The following CDH4 variants were observed in gnomAD, a reference collection of about 807,000 sequenced individuals.
The protein encoded by CDH4 is cadherin-4.
In CDH4, 33 loss-of-function variants were observed where a neutral mutation model predicts 86.0. That is an observed-to-expected ratio of 0.38 (90% CI 0.29 to 0.51). The LOEUF is 0.51. Among genes scored for constraint, CDH4 ranks in the 20% least tolerant of loss-of-function variants. CDH4 has a pLI of 0.86. For missense variants in CDH4, 1,114 were observed against 1,307.4 expected, an observed-to-expected ratio of 0.85 and a Z score of 2.28; for synonymous variants, 555 against 549.4, an observed-to-expected ratio of 1.01 and a Z score of -0.14.
At chr20:61,866,193 C>T (rs903866405) in intron 6 of CDH4, among the ~76,000 whole-genome samples, 3 of 152,218 alleles carry the variant, frequency 2.0e-5, no homozygotes, top group East Asian at 3.9e-4. Context: ...TGAGCTTCAG[C>T]CCCTGGGGTA....
intron 2 of CDH4, among the ~76,000 whole-genome samples, chr20:61,645,539 G>A (rs2087052435): frequency 6.6e-6 from 1 of 152,014 alleles, no homozygotes; most frequent in Non-Finnish European, 1.5e-5. Flanking sequence ...GGCTGAGGCA[G>A]GAGGATAGCT....
intron 2 of CDH4, among the ~76,000 whole-genome samples, chr20:61,335,179 C>T (rs1036115756): frequency 6.6e-6 from 1 of 152,238 alleles, no homozygotes; most frequent in African/African-American, 2.4e-5. Flanking sequence ...TGCCTTCCTT[C>T]TTGGCCCAGC....
At chr20:61,567,280 G>A (rs2086306019) in intron 2 of CDH4, among the ~76,000 whole-genome samples, 1 of 152,160 alleles carries the variant, frequency 6.6e-6, no homozygotes, top group Non-Finnish European at 1.5e-5. Flanking sequence ...GTCTATTTAG[G>A]CTGCTACAAC....
intron 9 of CDH4, among the ~76,000 whole-genome samples, chr20:61,910,882 C>G (rs377662807): frequency 1.3e-5 from 2 of 152,142 alleles, no homozygotes; most frequent in African/African-American, 4.8e-5. Flanking sequence ...TAGTAATGGG[C>G]GAATTTCATT....
chr20:61,563,527 G>A (rs577323403), intron 2 of CDH4, among the ~76,000 whole-genome samples: 1 of 152,312 alleles, frequency 6.6e-6, no homozygotes, highest in African/African-American at 2.4e-5. Context: ...TGTGCAGGGT[G>A]GTAGCTGCTG....
chr20:61,866,741 A>G (rs1428785526), intron 6 of CDH4, among the ~76,000 whole-genome samples: 1 of 152,112 alleles, frequency 6.6e-6, no homozygotes, highest in African/African-American at 2.4e-5. Context: ...AGCGTGTGCT[A>G]GTTATCATGA....
rs146069703 is a variant in CDH4, at chr20:61,335,613, C to G, written c.169+80676C>G. ...CATTCAGATTTCCGTCAAGAAAATTCAAACTGAGGTGGGATCAATAAGTCG... is the reference window on the plus strand; with the variant it reads ...CATTCAGATTTCCGTCAAGAAAATTGAAACTGAGGTGGGATCAATAAGTCG... On this transcript the variant is annotated intron_variant, in intron 2 of 15. Coordinates refer to ENST00000614565, the MANE Select transcript of CDH4 (RefSeq NM_001794.5). Among the ~76,000 whole-genome samples the G allele has an allele frequency of 3.5e-3, 536 of 152,282 alleles. 3 individuals are homozygous for G. Among genetic ancestry groups the G allele is most frequent in the African/African-American group, 0.012 (498 of 41,560 alleles).
intron 4 of CDH4, among the ~76,000 whole-genome samples, chr20:61,832,037 T>C (rs1981644088): frequency 1.3e-5 from 2 of 152,202 alleles, no homozygotes; most frequent in East Asian, 3.9e-4. Flanking sequence ...TCCTGCAAGT[T>C]GGGTGGATGC....
chr20:61,697,490 C>T (rs910871533), intron 2 of CDH4, among the ~76,000 whole-genome samples: 2 of 152,086 alleles, frequency 1.3e-5, no homozygotes, highest in Non-Finnish European at 2.9e-5. Flanking sequence ...GCCAGCTACT[C>T]GGGAGGCTGA....
Position 61,402,392 on chromosome 20 carries a change from TTTTG to T in CDH4, c.169+147471_169+147474del, listed in dbSNP as rs923367925. ...CTGTACATGTTCAGTACAGATGCAG[TTTTG>T]TTTGTTTGTTTGTTTTGAGGCAGAG... is the stretch of plus-strand genomic sequence containing the variant. On this transcript the variant is annotated intron_variant, in intron 2 of 15. Transcript: ENST00000614565. Among the ~76,000 whole-genome samples the T allele has an allele frequency of 4.0e-5, 6 of 150,850 alleles. No individual in the cohort carries two copies. In the East Asian group the frequency reaches 9.6e-4, roughly 24 times the overall value.
intron 2 of CDH4, among the ~76,000 whole-genome samples, chr20:61,588,082 C>A (rs2086491650): frequency 6.6e-6 from 1 of 152,188 alleles, no homozygotes; most frequent in South Asian, 2.1e-4. Context: ...AATAATGTGC[C>A]TTCGAGGGCC....
rs540711864 is a variant in CDH4 at position 61,868,313 on chromosome 20, G to A, written c.878-5415G>A. Among the ~76,000 whole-genome samples, 85 of 152,282 alleles carry A rather than the reference G, an allele frequency of 5.6e-4. 1 individual carries two copies. The highest frequency in any genetic ancestry group is 1.9e-3 in the African/African-American group (79 of 41,566). On this transcript the variant is annotated intron_variant, in intron 6 of 15. Transcript: ENST00000614565. ...GTAGATGGGAGGGAATTCAGTCCAA[G>A]GGAACCCTCTACAGCTGTAGGCCTG... is the stretch of plus-strand genomic sequence containing the variant.
Position 61,417,227 on chromosome 20 carries a change from T to G in CDH4, c.169+162290T>G, listed in dbSNP as rs1312248354. Among the ~76,000 whole-genome samples the G allele has an allele frequency of 6.6e-6, 1 of 152,042 alleles. No individual in the cohort carries two copies. Among genetic ancestry groups the G allele is most frequent in the Non-Finnish European group, 1.5e-5 (1 of 67,992 alleles). On this transcript the variant is annotated intron_variant, in intron 2 of 15. Coordinates refer to ENST00000614565, the MANE Select transcript of CDH4 (RefSeq NM_001794.5). The surrounding 1 kb of genome is among the most constrained non-coding windows in gnomAD (Gnocchi z 4.0). Reference sequence around the variant, plus strand: ...AAGAGACTCACTCTTTCTCTCTTGGTCGTGCTCTCTCTTCCCCCTCCCTCT... The same window carrying G: ...AAGAGACTCACTCTTTCTCTCTTGGGCGTGCTCTCTCTTCCCCCTCCCTCT...
At chr20:61,887,520 C>A (rs1184268783) in intron 7 of CDH4, among the ~76,000 whole-genome samples, 1 of 152,094 alleles carries the variant, frequency 6.6e-6, no homozygotes, top group Non-Finnish European at 1.5e-5. Context: ...CGCATACACA[C>A]ATGCACACAC....
At chr20:61,284,739 T>G (rs73314955) in intron 2 of CDH4, among the ~76,000 whole-genome samples, 17,739 of 152,242 alleles carry the variant, frequency 0.12, 1,110 homozygotes, top group South Asian at 0.13. Flanking sequence ...AAGCCCCCAA[T>G]GCAATGTTTT....
At chr20:61,611,932 G>C (rs1034889548) in intron 2 of CDH4, among the ~76,000 whole-genome samples, 1 of 152,058 alleles carries the variant, frequency 6.6e-6, no homozygotes, top group African/African-American at 2.4e-5. Flanking sequence ...TTGTTGTGTG[G>C]GGGGATACGG....
intron 7 of CDH4, among the ~76,000 whole-genome samples, chr20:61,882,390 C>T (rs1984321385): frequency 1.3e-5 from 2 of 152,250 alleles, no homozygotes; most frequent in Non-Finnish European, 2.9e-5. Context: ...AGACAGGTCC[C>T]ACCACAGAGG....
chr20:61,868,467 C>G (rs1477299122), intron 6 of CDH4, among the ~76,000 whole-genome samples: 2 of 152,140 alleles, frequency 1.3e-5, no homozygotes, highest in Admixed American at 6.5e-5. Flanking sequence ...GGGACCCGGA[C>G]AGCTCCACAG....
chr20:61,653,401 T>G (rs1244188280), intron 2 of CDH4, among the ~76,000 whole-genome samples: 2 of 139,536 alleles, frequency 1.4e-5, no homozygotes, highest in Non-Finnish European at 3.2e-5. Flanking sequence ...CCCCTTTCTA[T>G]TCCACAAAAC....
Sources: gnomAD v4.1 joint callset for allele counts (sites outside exome capture counted in the v4.1 genomes callset) on GRCh38, gnomAD v4.1.1 for gene constraint, Gnocchi (gnomAD v3.1) non-coding constraint, MANE v1.5 for transcripts, NCBI Gene and HGNC (gene_info 2026-07-23, HGNC 2026-07-21) for gene names.